Variants in TSNARE1 observed in about 807,000 individuals in gnomAD.
TSNARE1 encodes the protein t-SNARE domain containing 1.
In TSNARE1, 49 loss-of-function variants were observed where a neutral mutation model predicts 62.0. The observed-to-expected ratio is 0.79, with a 90% CI of 0.63 to 1.00. TSNARE1 has a LOEUF of 1.00. Among genes scored for constraint, TSNARE1 ranks in the 50% least tolerant of loss-of-function variants. The pLI, the probability that TSNARE1 is intolerant of heterozygous loss-of-function variation, is 0.00. For missense variants in TSNARE1, 755 were observed against 700.1 expected, an observed-to-expected ratio of 1.08 and a Z score of -0.88; for synonymous variants, 328 against 294.4, an observed-to-expected ratio of 1.11 and a Z score of -1.17.
intron 12 of TSNARE1, among the ~76,000 whole-genome samples, chr8:142,272,418 A>C: frequency 4.2e-5 from 3 of 71,000 alleles, no homozygotes; most frequent in African/African-American, 8.8e-5. Flanking sequence ...TCCTCCTTCC[A>C]TCCACCTATC....
At chr8:142,392,744 CA>C (rs1837621434) in intron 1 of TSNARE1, among the ~76,000 whole-genome samples, 1 of 151,972 alleles carries the variant, frequency 6.6e-6, no homozygotes, top group South Asian at 2.1e-4. Flanking sequence ...AGTTTGAGAC[CA>C]CGCGGGCCAA....
intron 12 of TSNARE1, among the ~76,000 whole-genome samples, chr8:142,242,066 A>G (rs36163465): frequency 3.6e-4 from 14 of 38,660 alleles, no homozygotes; most frequent in African/African-American, 2.3e-3. Context: ...CTAAAACTAC[A>G]ATCTCCATCT....
chr8:142,227,005 GCAGTGACAGCC>G (rs1816823311), intron 13 of TSNARE1, among the ~76,000 whole-genome samples: 1 of 104,752 alleles, frequency 9.5e-6, no homozygotes, highest in African/African-American at 6.0e-5. Flanking sequence ...CACCCACACA[GCAGTGACAGCC>G]AAGCCCCCCA....
At chr8:142,320,374 C>T (rs913994522) in intron 6 of TSNARE1, among the ~76,000 whole-genome samples, 1 of 151,370 alleles carries the variant, frequency 6.6e-6, no homozygotes, top group Non-Finnish European at 1.5e-5. Flanking sequence ...CACCTCCCCA[C>T]ACCGCCCTCC....
chr8:142,281,322 C>G (rs1361411441), intron 11 of TSNARE1, among the ~76,000 whole-genome samples: 1 of 152,078 alleles, frequency 6.6e-6, no homozygotes, highest in East Asian at 2.0e-4. Context: ...AGCCAGGGCT[C>G]CTGGCAGCAG....
chr8:142,392,761 C>T (rs1337471882), intron 1 of TSNARE1, among the ~76,000 whole-genome samples: 1 of 151,928 alleles, frequency 6.6e-6, no homozygotes, highest in Non-Finnish European at 1.5e-5. Context: ...GCCAACATGG[C>T]GAAACCCCGT....
intron 13 of TSNARE1, among the ~76,000 whole-genome samples, chr8:142,213,482 T>C (rs1815674095): frequency 6.6e-6 from 1 of 151,878 alleles, no homozygotes; most frequent in South Asian, 2.1e-4. Flanking sequence ...ATAAATCTAC[T>C]TTCAAAACAA....
At chr8:142,298,395 C>T (rs1007328196) in intron 10 of TSNARE1, among the ~76,000 whole-genome samples, 4 of 152,140 alleles carry the variant, frequency 2.6e-5, no homozygotes, top group Non-Finnish European at 4.4e-5. Flanking sequence ...TCCTCTGAAC[C>T]CCATCCTGGG....
chr8:142,280,238 A>G (rs1014647058), intron 11 of TSNARE1: 7 of 985,010 alleles, frequency 7.1e-6, no homozygotes, highest in Non-Finnish European at 8.4e-6. Flanking sequence ...AGGGGTGTGG[A>G]GCCCGGCCCG....
rs62650712 is a variant in TSNARE1, at chr8:142,222,212, G to A, written c.*11+7261C>T. Among the ~76,000 whole-genome samples, 174 of 20,976 alleles carry A rather than the reference G, an allele frequency of 8.3e-3. 1 individual carries two copies. The highest frequency in any genetic ancestry group is 0.036 in the Middle Eastern group (1 of 28). 13.8% of individuals were successfully genotyped at this position (20,976 alleles called of 152,430 possible). On this transcript the variant is annotated intron_variant, in intron 13 of 13. Coordinates refer to ENST00000524325, the MANE Select transcript of TSNARE1 (RefSeq NM_145003.5). ...CACTCATTCACTCACTCACTCATCC[G>A]CTCATTCACTCACTCATCCACTCAT... is the stretch of plus-strand genomic sequence containing the variant.
At chr8:142,232,622 G>T (rs2130101245) in intron 12 of TSNARE1, among the ~76,000 whole-genome samples, 1 of 152,328 alleles carries the variant, frequency 6.6e-6, no homozygotes, top group Middle Eastern at 3.4e-3. Context: ...AGGACGCCCA[G>T]GGACACTCTG....
chr8:142,363,951 G>T (rs576860430), intron 1 of TSNARE1, among the ~76,000 whole-genome samples: 1 of 152,164 alleles, frequency 6.6e-6, no homozygotes, highest in Non-Finnish European at 1.5e-5. Context: ...GATGAGTGAC[G>T]GCAGACAGCA....
At position 142,291,295 on chromosome 8, in the gene TSNARE1, G is replaced by A. The variant is rs1034271871; in HGVS notation, c.1291-6810C>T. On this transcript the variant is annotated intron_variant, in intron 10 of 13. Transcript: ENST00000524325. The surrounding 1 kb of genome is among the most constrained non-coding windows in gnomAD (Gnocchi z 4.8). ...GTGCTGGAGTAGGGCACCTGGGCTC[G>A]AATCCCAGCTCCATGGCGTGTGAGC... Among the ~76,000 whole-genome samples the A allele has an allele frequency of 3.3e-5, 5 of 151,992 alleles. No individual in the cohort carries two copies. The highest frequency in any genetic ancestry group is 9.7e-5 in the African/African-American group (4 of 41,396).
At chr8:142,335,394 G>C (rs540324893) in intron 4 of TSNARE1, among the ~76,000 whole-genome samples, 1 of 152,180 alleles carries the variant, frequency 6.6e-6, no homozygotes, top group Non-Finnish European at 1.5e-5. Flanking sequence ...TCAATGAGGC[G>C]GGCGTGGGAC....
intron 12 of TSNARE1, among the ~76,000 whole-genome samples, chr8:142,247,073 G>A (rs547563562): frequency 3.9e-5 from 6 of 152,180 alleles, no homozygotes; most frequent in Admixed American, 6.5e-5. Flanking sequence ...GAGAAACCCC[G>A]ATGCCAGTCC....
At chr8:142,330,460 C>G (rs1013183429) in intron 6 of TSNARE1, among the ~76,000 whole-genome samples, 1 of 152,248 alleles carries the variant, frequency 6.6e-6, no homozygotes, top group African/African-American at 2.4e-5. Context: ...GATCGGACGC[C>G]CCACTCCAAC....
At chr8:142,385,887 T>C (rs532605366) in intron 1 of TSNARE1, among the ~76,000 whole-genome samples, 104 of 152,358 alleles carry the variant, frequency 6.8e-4, no homozygotes, top group Non-Finnish European at 1.3e-3. Context: ...GCCATGTTCC[T>C]ACTTGGAGAC....
chr8:142,299,935 A>C (rs1034068323), intron 10 of TSNARE1, among the ~76,000 whole-genome samples: 1 of 152,264 alleles, frequency 6.6e-6, no homozygotes. Context: ...ACATGTGTAA[A>C]AAATAAGTAT....
chr8:142,327,090 T>C (rs1830381642), intron 6 of TSNARE1, among the ~76,000 whole-genome samples: 1 of 152,180 alleles, frequency 6.6e-6, no homozygotes, highest in Non-Finnish European at 1.5e-5. Context: ...AGCCACCGTA[T>C]AACCCAGCAA....
Sources: allele counts gnomAD v4.1 joint callset (sites outside exome capture counted in the v4.1 genomes callset), GRCh38; gene constraint gnomAD v4.1.1; non-coding constraint Gnocchi (gnomAD v3.1); transcripts MANE v1.5; gene names NCBI Gene and HGNC (gene_info 2026-07-23, HGNC 2026-07-21).